AGBL1: variants seen among roughly 807,000 people sequenced by gnomAD.
AGBL1 encodes cytosolic carboxypeptidase 4.
A neutral mutation model predicts 118.9 loss-of-function variants in AGBL1; 130 were observed. The ratio of observed to expected loss-of-function variants is 1.09; its 90% confidence interval spans 0.95 to 1.26. AGBL1 has a LOEUF of 1.26. Ranked by LOEUF, AGBL1 falls within the 50% of genes most tolerant of loss-of-function variation. The probability of loss-of-function intolerance (pLI) is 0.00; values close to 1 mark genes in which losing one functional copy is unlikely to be tolerated. For missense variants in AGBL1, 1,584 were observed against 1,298.1 expected (o/e 1.22, Z -3.38); for synonymous variants, 555 against 478.9 (o/e 1.16, Z -2.08).
At chr15:86,501,062 T>C (rs1368793260) in intron 18 of AGBL1, among the ~76,000 whole-genome samples, 1 of 150,984 alleles carries the variant, frequency 6.6e-6, no homozygotes, top group Non-Finnish European at 1.5e-5. Flanking sequence ...ATGGGGACTA[T>C]ATGTTTGACA....
At chr15:86,288,658 C>T (rs2079494523) in intron 16 of AGBL1, among the ~76,000 whole-genome samples, 1 of 151,856 alleles carries the variant, frequency 6.6e-6, no homozygotes, top group South Asian at 2.1e-4. Context: ...TGCTACAGTT[C>T]CATGAATATT....
At chr15:86,132,684 G>A (rs1299279955) in intron 1 of AGBL1, among the ~76,000 whole-genome samples, 1 of 152,182 alleles carries the variant, frequency 6.6e-6, no homozygotes, top group African/African-American at 2.4e-5. Context: ...TTGATTGCTA[G>A]CATTATTATG....
chr15:86,279,848 A>G, intron 16 of AGBL1, 65 bp downstream of exon 16: 1 of 1,573,672 alleles, frequency 6.4e-7, no homozygotes, highest in Non-Finnish European at 8.7e-7. Context: ...TTTCCTGGGA[A>G]CATTTTGGAG....
chr15:86,678,930 A>G (rs2085898903), intron 22 of AGBL1, among the ~76,000 whole-genome samples: 1 of 151,768 alleles, frequency 6.6e-6, no homozygotes, highest in Admixed American at 6.6e-5. Context: ...TATTTTTTGG[A>G]TTTGTATTCT....
chr15:86,665,786 G>T (rs990373552), intron 21 of AGBL1, among the ~76,000 whole-genome samples: 1 of 151,158 alleles, frequency 6.6e-6, no homozygotes, highest in South Asian at 2.1e-4. Flanking sequence ...TATATTTGGG[G>T]TAAGATTTTT....
Position 86,893,089 on chromosome 15 carries a change from CAG to C in AGBL1, c.3159-13995_3159-13994del, listed in dbSNP as rs147138195. ...CGGGGACTCACTCACCCAGGGAATTCAGAGTTGCTCTTTTCTCGCCTGCAAAA... is the reference window on the plus strand; with the variant it reads ...CGGGGACTCACTCACCCAGGGAATTCAGTTGCTCTTTTCTCGCCTGCAAAA... On this transcript the variant is annotated intron_variant, in intron 22 of 22. Transcript: ENST00000614907. Among the ~76,000 whole-genome samples the C allele has an allele frequency of 2.8e-4, 43 of 152,284 alleles. No individual in the cohort carries two copies. In the East Asian group the frequency reaches 7.0e-3, roughly 25 times the overall value.
intron 22 of AGBL1, among the ~76,000 whole-genome samples, chr15:86,692,822 TAG>T (rs1403620622): frequency 6.6e-6 from 1 of 152,152 alleles, no homozygotes; most frequent in Admixed American, 6.6e-5. Flanking sequence ...TGCATCTTCA[TAG>T]CTGAGCTTCC....
intron 22 of AGBL1, among the ~76,000 whole-genome samples, chr15:86,797,209 CA>C (rs1372329107): frequency 6.6e-6 from 1 of 152,184 alleles, no homozygotes; most frequent in Non-Finnish European, 1.5e-5. Flanking sequence ...ATATAATTCT[CA>C]AAGGACTGCA....
At chr15:86,958,206 TAAAAAAAAAAAA>T (rs545565434) in intron 23 of AGBL1, among the ~76,000 whole-genome samples, 1 of 125,196 alleles carries the variant, frequency 8.0e-6, no homozygotes, top group South Asian at 2.5e-4. Context: ...TCTTGTTTCT[TAAAAAAAAAAAA>T]AAAAAAGAAA....
intron 9 of AGBL1, among the ~76,000 whole-genome samples, chr15:86,262,463 G>T (rs2079007527): frequency 6.6e-6 from 1 of 152,104 alleles, no homozygotes; most frequent in African/African-American, 2.4e-5. Flanking sequence ...GACGATAGTG[G>T]CAATGAGATA....
At chr15:86,867,724 A>G (rs564066826) in intron 22 of AGBL1, among the ~76,000 whole-genome samples, 8 of 152,292 alleles carry the variant, frequency 5.3e-5, no homozygotes, top group Admixed American at 3.9e-4. Context: ...AAATAAATAG[A>G]CATTTAAAAG....
intron 21 of AGBL1, among the ~76,000 whole-genome samples, chr15:86,580,480 TA>T (rs1398543208): frequency 3.4e-5 from 5 of 145,852 alleles, no homozygotes; most frequent in African/African-American, 1.2e-4. Context: ...GTTATTTTGG[TA>T]TTTTTTTCTA....
At chr15:86,325,666 C>A (rs1212313570) in intron 17 of AGBL1, among the ~76,000 whole-genome samples, 1 of 152,176 alleles carries the variant, frequency 6.6e-6, no homozygotes, top group African/African-American at 2.4e-5. Flanking sequence ...CATCTTCCAT[C>A]CCCCTAGCAA....
intron 24 of AGBL1, among the ~76,000 whole-genome samples, chr15:87,023,419 A>C (rs1195921607): frequency 6.6e-6 from 1 of 152,114 alleles, no homozygotes; most frequent in Non-Finnish European, 1.5e-5. Context: ...GCCTTGTCCA[A>C]CAGGAAAATA....
intron 21 of AGBL1, among the ~76,000 whole-genome samples, chr15:86,627,309 T>G (rs1312245632): frequency 6.6e-6 from 1 of 152,172 alleles, no homozygotes; most frequent in Non-Finnish European, 1.5e-5. Context: ...CTGATATAAT[T>G]TTTATAAAGA....
chr15:86,482,322 A>G (rs926956876), intron 18 of AGBL1, among the ~76,000 whole-genome samples: 7 of 152,126 alleles, frequency 4.6e-5, no homozygotes, highest in Non-Finnish European at 1.0e-4. Flanking sequence ...GTTATTAATT[A>G]TTGTTATTAT....
intron 21 of AGBL1, among the ~76,000 whole-genome samples, chr15:86,559,883 G>T (rs1337200044): frequency 2.0e-5 from 3 of 152,094 alleles, no homozygotes; most frequent in Non-Finnish European, 2.9e-5. Context: ...TTGGAAGCAG[G>T]AGACCCACCT....
chr15:86,539,002 C>G (rs2083459978), intron 19 of AGBL1, among the ~76,000 whole-genome samples: 1 of 152,242 alleles, frequency 6.6e-6, no homozygotes, highest in Non-Finnish European at 1.5e-5. Context: ...TCATGGAACT[C>G]ATGTTTGCAT....
At chr15:86,501,812 T>C (rs1425989017) in intron 18 of AGBL1, among the ~76,000 whole-genome samples, 1 of 151,682 alleles carries the variant, frequency 6.6e-6, no homozygotes, top group African/African-American at 2.4e-5. Context: ...TCTATGTCTA[T>C]CTTTATTACA....
Sources: allele counts gnomAD v4.1 joint callset (sites outside exome capture counted in the v4.1 genomes callset), GRCh38; gene constraint gnomAD v4.1.1; transcripts MANE v1.5; gene names NCBI Gene and HGNC (gene_info 2026-07-23, HGNC 2026-07-21).